Variants in WAC observed in about 807,000 individuals in gnomAD.
The protein encoded by WAC is WW domain-containing adapter protein with coiled-coil.
A neutral mutation model predicts 79.6 loss-of-function variants in WAC; 11 were observed. The ratio of observed to expected loss-of-function variants is 0.14; its 90% confidence interval spans 0.09 to 0.23. WAC has a LOEUF of 0.23. WAC is among the 10% of genes least tolerant of loss of function. The pLI is 1.00. For synonymous variants in WAC, 304 were observed against 276.9 expected (o/e 1.10, Z -0.97); for missense variants, 728 against 773.5 (o/e 0.94, Z 0.70).
At chr10:28,535,980 C>T (rs554870653) in intron 3 of WAC, 5 of 329,322 alleles carry the variant, frequency 1.5e-5, no homozygotes, top group South Asian at 1.2e-4. Flanking sequence ...CGGTGGCTCA[C>T]GCCTGTAATC....
rs1440086420 is a variant in WAC at position 28,583,964 on chromosome 10, T to A, written c.381+459T>A. Among the ~76,000 whole-genome samples the A allele has an allele frequency of 2.6e-5, 4 of 152,210 alleles. 1 individual carries two copies. Among genetic ancestry groups the A allele is most frequent in the African/African-American group, 4.8e-5 (2 of 41,448 alleles). On this transcript the variant is annotated intron_variant, in intron 4 of 13. Coordinates refer to ENST00000354911, the MANE Select transcript of WAC (RefSeq NM_016628.5). ...CAAGGGTGTGAAACCCAGTGAGGGATTTTAAATATTTTCAGAAGTTTAGTT... is the reference window on the plus strand; with the variant it reads ...CAAGGGTGTGAAACCCAGTGAGGGAATTTAAATATTTTCAGAAGTTTAGTT...
intron 6 of WAC, among the ~76,000 whole-genome samples, chr10:28,592,512 T>A (rs147261947): frequency 6.6e-6 from 1 of 152,096 alleles, no homozygotes; most frequent in African/African-American, 2.4e-5. Context: ...TCCCAGCCAC[T>A]CGGAAGGCTG....
chr10:28,563,223 C>T (rs1589159221), intron 3 of WAC, among the ~76,000 whole-genome samples: 1 of 152,116 alleles, frequency 6.6e-6, no homozygotes, highest in Non-Finnish European at 1.5e-5. Context: ...TAGCATTACT[C>T]TTTTCAAGTA....
At chr10:28,581,558 G>T (rs967570113) in intron 3 of WAC, among the ~76,000 whole-genome samples, 1 of 151,850 alleles carries the variant, frequency 6.6e-6, no homozygotes, top group Non-Finnish European at 1.5e-5. Flanking sequence ...TTGTTTGTTT[G>T]TTTGTTTGTT....
Position 28,619,523 on chromosome 10 carries a change from CT to C in WAC, c.1875-4del, listed in dbSNP as rs372119062. 2,293 of 1,324,094 alleles carry C rather than the reference CT, an allele frequency of 1.7e-3. 8 individuals carry two copies. The highest frequency in any genetic ancestry group is 0.012 in the South Asian group (839 of 68,214). The allele number at this position is 1,324,094 out of a possible 1,614,324, so 82.0% of individuals were successfully genotyped here. ...ATATGTACACAGGTTCTAATGTCTG[CT>C]TTTTTTTTTCAGGATACTATTTTTG... On this transcript the variant is annotated splice_polypyrimidine_tract_variant and intron_variant, in intron 13 of 13. Transcript: ENST00000354911.
At position 28,595,851 on chromosome 10, in the gene WAC, T is replaced by A; in HGVS notation, c.729T>A (p.Ser243=). 1 of 1,614,188 alleles carries A rather than the reference T, an allele frequency of 6.2e-7. No homozygotes were observed. Among genetic ancestry groups the A allele is most frequent in the Non-Finnish European group, 8.5e-7 (1 of 1,180,018 alleles). The stretch of plus-strand genomic sequence containing the variant: ...CAAGAGCAGAGACTCACAGTAGTTC[T>A]ACGCCAGTACAGCACCCCATCAAAC... The part of the protein sequence containing the change: ...RLPRAETHSS[S]TPVQHPIKPV... The change falls in exon 7 of 14, where the codon TCT becomes TCA. Residue 243 remains serine, a synonymous_variant. Coordinates refer to ENST00000354911, the MANE Select transcript of WAC (RefSeq NM_016628.5).
At chr10:28,600,356 T>C (rs992011313) in intron 7 of WAC, among the ~76,000 whole-genome samples, 10 of 152,120 alleles carry the variant, frequency 6.6e-5, no homozygotes, top group African/African-American at 2.4e-4. Flanking sequence ...GACAATTGAA[T>C]GAACTCAAAA....
At chr10:28,619,036 T>C (rs1220200166) in intron 13 of WAC, among the ~76,000 whole-genome samples, 2 of 152,210 alleles carry the variant, frequency 1.3e-5, no homozygotes, top group Non-Finnish European at 2.9e-5. Flanking sequence ...CCCAGCACTT[T>C]GGGAGGCCAA....
At chr10:28,595,336 T>C (rs866534708) in intron 6 of WAC, among the ~76,000 whole-genome samples, 7 of 152,230 alleles carry the variant, frequency 4.6e-5, no homozygotes, top group African/African-American at 1.7e-4. Flanking sequence ...CTGTGACCTG[T>C]AGTGTAAAAG....
rs1385714145 is a variant in WAC at position 28,604,926 on chromosome 10, A to G, written c.920-3260A>G. Among the ~76,000 whole-genome samples, 3 of 152,220 alleles carry G rather than the reference A, an allele frequency of 2.0e-5. No individual in the cohort carries two copies. In the East Asian group the frequency reaches 5.8e-4, roughly 29 times the overall value. ...TTATACTATTTCAGTGATAAAACTA[A>G]AACTACCTCTCAGAATAGCATTTTA... On this transcript the variant is annotated intron_variant, in intron 7 of 13. Coordinates refer to ENST00000354911, the MANE Select transcript of WAC (RefSeq NM_016628.5).
rs143772149 is a variant in WAC, at chr10:28,541,415, G to GTTTTTTTTTTTTTTTTTTTTT, written c.274+5662_274+5663insTTTTTTTTTTTTTTTTTTTTT. ...TTTTTGTGGGGTTGTGTGTGTGTGTGTTTTGTTTTTTTTTTTTTTTTTTTT... is the reference window on the plus strand; with the variant it reads ...TTTTTGTGGGGTTGTGTGTGTGTGTGTTTTTTTTTTTTTTTTTTTTTTTTTGTTTTTTTTTTTTTTTTTTTT... On this transcript the variant is annotated intron_variant, in intron 3 of 13. Transcript: ENST00000354911. 3.2e-4 allele frequency among the ~76,000 whole-genome samples: 12 copies of GTTTTTTTTTTTTTTTTTTTTT among 37,904 alleles called. 6 individuals carry two copies. The highest frequency in any genetic ancestry group is 2.3e-3 in the South Asian group (2 of 860). The allele number at this position is 37,904 out of a possible 152,430, so 24.9% of individuals were successfully genotyped here.
chr10:28,618,806 C>T (rs1038160872), intron 13 of WAC, among the ~76,000 whole-genome samples: 4 of 152,208 alleles, frequency 2.6e-5, no homozygotes, highest in Non-Finnish European at 5.9e-5. Flanking sequence ...TTGAGAATTG[C>T]TCTTCTAAAT....
intron 6 of WAC, among the ~76,000 whole-genome samples, chr10:28,595,404 A>T (rs758194511): frequency 1.3e-5 from 2 of 149,408 alleles, no homozygotes; most frequent in African/African-American, 4.9e-5. Flanking sequence ...ATAAGATATT[A>T]TAACTCCATA....
intron 11 of WAC, chr10:28,615,583 C>G (rs930923190): frequency 3.3e-5 from 5 of 152,192 alleles, no homozygotes; most frequent in African/African-American, 1.2e-4. Flanking sequence ...GGTAGGAGAT[C>G]AACTTGGGTG....
At chr10:28,555,159 T>C (rs1837912996) in intron 3 of WAC, among the ~76,000 whole-genome samples, 1 of 152,180 alleles carries the variant, frequency 6.6e-6, no homozygotes, top group South Asian at 2.1e-4. Flanking sequence ...CTTTCCAACC[T>C]TCTACTCTTC....
chr10:28,553,959 C>G (rs1837844261), intron 3 of WAC, among the ~76,000 whole-genome samples: 1 of 152,150 alleles, frequency 6.6e-6, no homozygotes, highest in South Asian at 2.1e-4. Flanking sequence ...GCCTCCACCT[C>G]CCAGGTTCAG....
At chr10:28,618,921 T>C (rs2132879760) in intron 13 of WAC, among the ~76,000 whole-genome samples, 1 of 152,324 alleles carries the variant, frequency 6.6e-6, no homozygotes, top group South Asian at 2.1e-4. Flanking sequence ...CTTTCTTTAT[T>C]GTGATGATAC....
Position 28,590,753 on chromosome 10 carries a change from A to G in WAC, c.531A>G (p.Ala177=). 6.2e-7 allele frequency: 1 copy of G among 1,610,994 alleles called. No individual in the cohort carries two copies. Among genetic ancestry groups the G allele is most frequent in the Non-Finnish European group, 8.5e-7 (1 of 1,179,058 alleles). Residue 177 remains alanine (A), a synonymous_variant, in exon 6 of 14, where the codon GCA becomes GCG. Transcript: ENST00000354911. ...EQRQKEANKM[A]VNSFPKDRDY... The stretch of plus-strand genomic sequence containing the variant: ...GACAAAAAGAAGCAAACAAGATGGC[A>G]GTCAACAGCTTCCCAAAAGATAGGG...
intron 2 of WAC, 179 bp downstream of exon 2, chr10:28,534,213 T>G: frequency 1.9e-6 from 1 of 522,790 alleles, no homozygotes. Context: ...TCCAGCAAGG[T>G]TTAGTGACTT....
Sources: allele counts gnomAD v4.1 joint callset (sites outside exome capture counted in the v4.1 genomes callset), GRCh38; gene constraint gnomAD v4.1.1; transcripts MANE v1.5; gene names NCBI Gene and HGNC (gene_info 2026-07-23, HGNC 2026-07-21).